Variants in MACROD2 observed in about 807,000 individuals in gnomAD.
MACROD2 encodes the protein mono-ADP ribosylhydrolase 2, also known as ADP-ribose glycohydrolase MACROD2.
A neutral mutation model predicts 70.4 loss-of-function variants in MACROD2; 36 were observed. That is an observed-to-expected ratio of 0.51 (90% CI 0.39 to 0.68). The LOEUF is 0.68. Ranked by LOEUF, MACROD2 falls within the 30% of genes least tolerant of loss-of-function variation. The pLI, the probability that MACROD2 is intolerant of heterozygous loss-of-function variation, is 0.00. For synonymous variants in MACROD2, 172 were observed against 178.8 expected (o/e 0.96, Z 0.30); for missense variants, 496 against 538.4 (o/e 0.92, Z 0.78).
intron 5 of MACROD2, among the ~76,000 whole-genome samples, chr20:14,840,003 T>C (rs1300813502): frequency 6.6e-6 from 1 of 151,738 alleles, no homozygotes; most frequent in Admixed American, 6.6e-5. Context: ...TTGCAGCTAG[T>C]ATATAAAACA....
chr20:15,581,891 G>A (rs1258520537), intron 8 of MACROD2, among the ~76,000 whole-genome samples: 1 of 152,186 alleles, frequency 6.6e-6, no homozygotes, highest in Non-Finnish European at 1.5e-5. Flanking sequence ...GGAGGCCGAG[G>A]CAGGTGGATC....
At chr20:15,380,181 T>A (rs373648375) in intron 6 of MACROD2, among the ~76,000 whole-genome samples, 1 of 151,882 alleles carries the variant, frequency 6.6e-6, no homozygotes, top group African/African-American at 2.4e-5. Context: ...TACCATCATT[T>A]AAAAAAACCC....
At chr20:15,219,242 A>T (rs2076837463) in intron 5 of MACROD2, among the ~76,000 whole-genome samples, 1 of 152,204 alleles carries the variant, frequency 6.6e-6, no homozygotes, top group Non-Finnish European at 1.5e-5. Context: ...GTGAGAAGCT[A>T]TAATGTAGCA....
chr20:15,324,333 G>A (rs912720784), intron 6 of MACROD2, among the ~76,000 whole-genome samples: 3 of 152,024 alleles, frequency 2.0e-5, no homozygotes, highest in Non-Finnish European at 4.4e-5. Context: ...TTGTATACAT[G>A]CTCATCCCTA....
intron 8 of MACROD2, among the ~76,000 whole-genome samples, chr20:15,635,347 G>C (rs544481180): frequency 6.6e-6 from 1 of 152,256 alleles, no homozygotes; most frequent in African/African-American, 2.4e-5. Flanking sequence ...CGGTCCATCT[G>C]TTTGCAAAGC....
chr20:14,922,534 T>C (rs887498507), intron 5 of MACROD2, among the ~76,000 whole-genome samples: 1 of 152,198 alleles, frequency 6.6e-6, no homozygotes, highest in African/African-American at 2.4e-5. Context: ...GCTGCTAAAA[T>C]ATACTGCTGG....
intron 2 of MACROD2, among the ~76,000 whole-genome samples, chr20:14,024,403 C>T (rs776531121): frequency 6.6e-6 from 1 of 152,148 alleles, no homozygotes; most frequent in Non-Finnish European, 1.5e-5. Flanking sequence ...CGTGATTGCC[C>T]TGGCCAGAAC....
intron 8 of MACROD2, among the ~76,000 whole-genome samples, chr20:15,819,029 G>C (rs778275469): frequency 6.6e-6 from 1 of 151,822 alleles, no homozygotes; most frequent in Non-Finnish European, 1.5e-5. Context: ...ACCATGTGAC[G>C]CAACAATCTC....
intron 4 of MACROD2, among the ~76,000 whole-genome samples, chr20:14,514,954 A>T (rs1192028032): frequency 2.0e-5 from 3 of 152,150 alleles, no homozygotes; most frequent in Non-Finnish European, 2.9e-5. Context: ...ATTCTAGATG[A>T]GGAAGCAATA....
chr20:14,461,104 C>A lies in MACROD2; in HGVS notation c.272-32375C>A, dbSNP rs761904958. ...ATTAATTACTACCTCAATTTCAGCA[C>A]TTGTTATTGGTCTATTCAGGGATTT... On this transcript the variant is annotated intron_variant, in intron 3 of 17. Transcript: ENST00000684519. Among the ~76,000 whole-genome samples, 63 of 151,994 alleles carry A rather than the reference C, an allele frequency of 4.1e-4. 1 individual carries two copies. The highest frequency in any genetic ancestry group is 2.6e-3 in the Admixed American group (40 of 15,258).
chr20:14,085,043 G>T (rs1272283201), intron 2 of MACROD2, among the ~76,000 whole-genome samples: 1 of 142,936 alleles, frequency 7.0e-6, no homozygotes. Flanking sequence ...GGGGGGTGGT[G>T]GGGGAGAGGT....
intron 3 of MACROD2, among the ~76,000 whole-genome samples, chr20:14,233,497 C>G (rs1040171807): frequency 6.7e-6 from 1 of 150,352 alleles, no homozygotes; most frequent in Non-Finnish European, 1.5e-5. Context: ...TTGAGACTGT[C>G]CTGGCTAACA....
chr20:15,349,969 T>C (rs1357325953), intron 6 of MACROD2, among the ~76,000 whole-genome samples: 1 of 152,102 alleles, frequency 6.6e-6, no homozygotes, highest in Non-Finnish European at 1.5e-5. Flanking sequence ...CCTGAAGCAG[T>C]GTTCTCATTG....
In MACROD2 at chr20:14,151,966, C is replaced by T. The variant is rs80225622; in HGVS notation, c.271+66238C>T. ...CCTCCCGAGGAGCTGGGATTACAGG[C>T]GCCTGCCACCACGCCCGGCTAATAT... On this transcript the variant is annotated intron_variant, in intron 3 of 17. Coordinates refer to ENST00000684519, the MANE Select transcript of MACROD2 (RefSeq NM_001351661.2). 2.0e-4 allele frequency among the ~76,000 whole-genome samples: 30 copies of T among 151,718 alleles called. 1 individual carries two copies. The East Asian group carries it at 2.3e-3, about 12-fold the overall frequency.
At chr20:15,872,720 ACTTCT>A (rs561669251) in intron 9 of MACROD2, among the ~76,000 whole-genome samples, 59 of 152,294 alleles carry the variant, frequency 3.9e-4, no homozygotes, top group African/African-American at 1.3e-3. Context: ...AATATATAAA[ACTTCT>A]TATCACAGAA....
intron 8 of MACROD2, among the ~76,000 whole-genome samples, chr20:15,635,665 AC>A (rs1438316559): frequency 6.6e-6 from 1 of 152,164 alleles, no homozygotes; most frequent in Non-Finnish European, 1.5e-5. Context: ...GACCACTCAT[AC>A]CCTAAGCCTC....
At chr20:15,836,102 C>T (rs2064111562) in intron 8 of MACROD2, among the ~76,000 whole-genome samples, 1 of 152,192 alleles carries the variant, frequency 6.6e-6, no homozygotes, top group South Asian at 2.1e-4. Flanking sequence ...CTTATATTTC[C>T]TGTGGAAGAA....
intron 5 of MACROD2, among the ~76,000 whole-genome samples, chr20:15,048,288 AACAC>A (rs2075411382): frequency 1.3e-5 from 2 of 152,144 alleles, no homozygotes; most frequent in Middle Eastern, 3.4e-3. Context: ...CTCAAAAACA[AACAC>A]ACAAACAAAC....
rs549879480 is a variant in MACROD2, at chr20:14,044,756, G to A, written c.164-40865G>A. Among the ~76,000 whole-genome samples the A allele has an allele frequency of 3.3e-5, 5 of 152,336 alleles. No homozygotes were observed. The South Asian group carries it at 6.2e-4, about 19-fold the overall frequency. On this transcript the variant is annotated intron_variant, in intron 2 of 17. Coordinates refer to ENST00000684519, the MANE Select transcript of MACROD2 (RefSeq NM_001351661.2). ...AGTCACCACCAGACTCAGGAGCCCC[G>A]CTGGCTTCACCCAGTGGATCCCGCA... is the stretch of plus-strand genomic sequence containing the variant.
Sources: gnomAD v4.1 joint callset for allele counts (sites outside exome capture counted in the v4.1 genomes callset) on GRCh38, gnomAD v4.1.1 for gene constraint, MANE v1.5 for transcripts, NCBI Gene and HGNC (gene_info 2026-07-23, HGNC 2026-07-21) for gene names.